The following IL1RAPL2 variants were observed in gnomAD, a reference collection of about 807,000 sequenced individuals.
IL1RAPL2 encodes the protein interleukin 1 receptor accessory protein like 2.
Under a neutral mutation model 44.1 loss-of-function variants are expected in IL1RAPL2, and 3 were observed. The observed-to-expected ratio is 0.07, with a 90% CI of 0.03 to 0.18. IL1RAPL2 has a LOEUF of 0.18. IL1RAPL2 is among the 10% of genes least tolerant of loss of function. The pLI, the probability that IL1RAPL2 is intolerant of heterozygous loss-of-function variation, is 1.00. For synonymous variants in IL1RAPL2, 181 were observed against 178.8 expected (o/e 1.01, Z -0.10); for missense variants, 391 against 496.4 (o/e 0.79, Z 2.02).
chrX:105,298,240 T>C (rs773036163), intron 5 of IL1RAPL2, among the ~76,000 whole-genome samples: 4 of 112,046 alleles, frequency 3.6e-5, no homozygotes, highest in Non-Finnish European at 5.6e-5. Context: ...TTAGTTCTCT[T>C]ATCTAACTGA....
At chrX:105,143,103 TTAAAC>T (rs1395433769) in intron 2 of IL1RAPL2, among the ~76,000 whole-genome samples, 1 of 111,433 alleles carries the variant, frequency 9.0e-6, no homozygotes, top group African/African-American at 3.3e-5. Flanking sequence ...TGGGGTCTAA[TTAAAC>T]TAAAGAGCTT....
intron 6 of IL1RAPL2, among the ~76,000 whole-genome samples, chrX:105,527,444 G>GTT (rs2147791670): frequency 9.4e-6 from 1 of 106,654 alleles, no homozygotes; most frequent in South Asian, 4.2e-4. Context: ...TGTTGTGTGT[G>GTT]TGTGTGTGTG....
intron 2 of IL1RAPL2, among the ~76,000 whole-genome samples, chrX:105,131,884 T>C (rs2033030345): frequency 9.0e-6 from 1 of 111,486 alleles, no homozygotes; most frequent in Admixed American, 9.6e-5. Flanking sequence ...CATAAAACAA[T>C]TTGTTTCATG....
At chrX:105,016,083 T>G (rs765070799) in intron 2 of IL1RAPL2, among the ~76,000 whole-genome samples, 10 of 111,566 alleles carry the variant, frequency 9.0e-5, no homozygotes, top group South Asian at 3.8e-4. Flanking sequence ...CAATTGTGAA[T>G]GGGAGTTCAC....
chrX:105,376,875 A>G (rs1159811719), intron 5 of IL1RAPL2, among the ~76,000 whole-genome samples: 2 of 112,402 alleles, frequency 1.8e-5, no homozygotes, highest in Non-Finnish European at 3.8e-5. Flanking sequence ...AAATTACCAA[A>G]TCAGCTATGC....
intron 2 of IL1RAPL2, among the ~76,000 whole-genome samples, chrX:104,767,257 C>T (rs1175510753): frequency 9.0e-6 from 1 of 111,559 alleles, no homozygotes; most frequent in African/African-American, 3.3e-5. Context: ...GGTTGGAGTG[C>T]CCCTGGAAGT....
intron 5 of IL1RAPL2, among the ~76,000 whole-genome samples, chrX:105,379,370 C>T (rs1181156147): frequency 9.0e-6 from 1 of 111,456 alleles, no homozygotes; most frequent in Non-Finnish European, 1.9e-5. Context: ...GAAAGTTAGC[C>T]TTTGAAGGAT....
intron 1 of IL1RAPL2, among the ~76,000 whole-genome samples, chrX:104,603,132 T>C (rs2148000967): frequency 9.0e-6 from 1 of 111,327 alleles, no homozygotes; most frequent in African/African-American, 3.3e-5. Context: ...AGAGGAAAGA[T>C]CAGGCAGCAA....
At chrX:104,857,797 C>A (rs1474855790) in intron 2 of IL1RAPL2, among the ~76,000 whole-genome samples, 31 of 110,499 alleles carry the variant, frequency 2.8e-4, no homozygotes, top group Non-Finnish European at 5.7e-4. Flanking sequence ...ATCAGCGCTG[C>A]CATATGGAAT....
intron 2 of IL1RAPL2, among the ~76,000 whole-genome samples, chrX:104,905,165 G>C (rs1362324165): frequency 1.8e-5 from 2 of 111,569 alleles, no homozygotes; most frequent in East Asian, 5.6e-4. Context: ...TTTTTTTCTT[G>C]TAAATTTGTT....
chrX:105,042,703 T>C (rs1307201029), intron 2 of IL1RAPL2, among the ~76,000 whole-genome samples: 8 of 104,162 alleles, frequency 7.7e-5, no homozygotes, highest in African/African-American at 2.1e-4. Flanking sequence ...AGAAATACCA[T>C]TTGACCCAGC....
At chrX:105,568,399 AAAAAG>A (rs2036990443) in intron 6 of IL1RAPL2, among the ~76,000 whole-genome samples, 1 of 112,033 alleles carries the variant, frequency 8.9e-6, no homozygotes, top group African/African-American at 3.2e-5. Flanking sequence ...GAGTTATTTC[AAAAAG>A]AAAAGAAAAT....
intron 5 of IL1RAPL2, among the ~76,000 whole-genome samples, chrX:105,274,187 A>C (rs2034468670): frequency 8.9e-6 from 1 of 112,047 alleles, no homozygotes; most frequent in African/African-American, 3.2e-5. Context: ...GATATCCATA[A>C]AAAAAGCACA....
chrX:104,954,815 G>T (rs979281753), intron 2 of IL1RAPL2, among the ~76,000 whole-genome samples: 1 of 112,842 alleles, frequency 8.9e-6, no homozygotes, highest in African/African-American at 3.2e-5. Context: ...CTAAATTGGG[G>T]CCTAGCCCCA....
At chrX:105,232,113 C>G (rs2034076639) in intron 3 of IL1RAPL2, among the ~76,000 whole-genome samples, 1 of 111,786 alleles carries the variant, frequency 8.9e-6, no homozygotes, top group South Asian at 3.8e-4. Flanking sequence ...ATCTAAACAT[C>G]AGAATTGGAG....
chrX:104,701,849 A>G (rs1242160499), intron 2 of IL1RAPL2, among the ~76,000 whole-genome samples: 1 of 112,005 alleles, frequency 8.9e-6, no homozygotes, highest in Non-Finnish European at 1.9e-5. Flanking sequence ...TTTTACAAAT[A>G]TATGAAATTT....
At chrX:104,948,868 T>A (rs1461259828) in intron 2 of IL1RAPL2, among the ~76,000 whole-genome samples, 13 of 110,185 alleles carry the variant, frequency 1.2e-4, no homozygotes, top group African/African-American at 3.9e-4. Flanking sequence ...AGGATATTGG[T>A]CTCAAATTCT....
Position 105,319,005 on chromosome X carries a change from TG to T in IL1RAPL2, c.697+51467del, listed in dbSNP as rs775382415. ...TTTCAAATTATACCTTTTCCCCTAA[TG>T]GGCCTGTGTTTCTTTCAATGTTCTG... On this transcript the variant is annotated intron_variant, in intron 5 of 10. Coordinates refer to ENST00000372582, the MANE Select transcript of IL1RAPL2 (RefSeq NM_017416.2). 1.2e-4 allele frequency among the ~76,000 whole-genome samples: 14 copies of T among 112,314 alleles called. No homozygotes were observed. The South Asian group carries it at 4.8e-3, about 39-fold the overall frequency.
intron 6 of IL1RAPL2, among the ~76,000 whole-genome samples, chrX:105,644,085 G>T (rs764178986): frequency 9.0e-6 from 1 of 110,647 alleles, no homozygotes; most frequent in African/African-American, 3.3e-5. Flanking sequence ...TAGAGACAGG[G>T]TTTCACCGTG....
Sources: gnomAD v4.1 joint callset for allele counts (sites outside exome capture counted in the v4.1 genomes callset) on GRCh38, gnomAD v4.1.1 for gene constraint, MANE v1.5 for transcripts, NCBI Gene and HGNC (gene_info 2026-07-23, HGNC 2026-07-21) for gene names.